The following ZMYM5 variants were observed in gnomAD, a reference collection of about 807,000 sequenced individuals.
ZMYM5 encodes zinc finger MYM-type containing 5.
ZMYM5 carries 41 observed loss-of-function variants against 61.8 expected under a neutral mutation model. The ratio of observed to expected loss-of-function variants is 0.66; its 90% confidence interval spans 0.52 to 0.86. ZMYM5 has a LOEUF of 0.86. ZMYM5 is among the 40% of genes least tolerant of loss of function. ZMYM5 has a pLI of 0.00. For synonymous variants in ZMYM5, 257 were observed against 276.4 expected, an observed-to-expected ratio of 0.93 and a Z score of 0.70; for missense variants, 706 against 786.7, an observed-to-expected ratio of 0.90 and a Z score of 1.23.
intron 7 of ZMYM5, among the ~76,000 whole-genome samples, chr13:19,825,818 A>C (rs538004501): frequency 6.6e-6 from 1 of 152,244 alleles, no homozygotes; most frequent in East Asian, 1.9e-4. Context: ...AGGCGGGTGG[A>C]TCAGTTGAGG....
chr13:19,838,730 G>A lies in ZMYM5; in HGVS notation c.842C>T (p.Thr281Ile), dbSNP rs563337101. The change falls in exon 5 of 8, where the codon ACT (threonine) becomes ATT (isoleucine). Residue 281 changes from threonine (T) to isoleucine (I), a missense_variant. This residue lies in a region of ZMYM5 where 480 missense variants were observed against 461.7 expected (regional missense o/e 1.04). Coordinates refer to ENST00000337963, the MANE Select transcript of ZMYM5 (RefSeq NM_001142684.2). ...TCLSSFSHKR[T>I]QNTRSIICKK... ...ACATATTATGCTTCGTGTGTTTTGA[G>A]TACGTTTATGAGAGAAGGAAGAAAG... The A allele has an allele frequency of 1.9e-6, 3 of 1,614,194 alleles. No individual in the cohort carries two copies. The South Asian group carries it at 3.3e-5, about 18-fold the overall frequency.
At chr13:19,842,395 C>A (rs1460981232) in intron 4 of ZMYM5, among the ~76,000 whole-genome samples, 4 of 152,138 alleles carry the variant, frequency 2.6e-5, no homozygotes, top group Admixed American at 6.5e-5. Flanking sequence ...AAATACACAG[C>A]AACTAAAGTA....
chr13:19,860,470 G>GTGTA (rs71070254), intron 2 of ZMYM5, among the ~76,000 whole-genome samples: 7,559 of 136,148 alleles, frequency 0.056, 291 homozygotes, highest in East Asian at 0.094. Context: ...GTGTGTGTGT[G>GTGTA]TATTTTTTTT....
chr13:19,851,407 A>G lies in ZMYM5; in HGVS notation c.534T>C (p.Asn178=), dbSNP rs1324233006. 2 of 1,614,166 alleles carry G rather than the reference A, an allele frequency of 1.2e-6. No individual in the cohort carries two copies. The highest frequency in any genetic ancestry group is 4.5e-5 in the East Asian group (2 of 44,878). ...GVRPFNPGRM[N]VAGDLFQNGE... ...CATTCTGAAATAAGTCTCCTGCCAC[A>G]TTCATTCTACCAGGGTTAAAAGGTC... is the stretch of plus-strand genomic sequence containing the variant. The change falls in exon 4 of 8, where the codon AAT becomes AAC. Residue 178 remains asparagine, a synonymous_variant. Coordinates refer to ENST00000337963, the MANE Select transcript of ZMYM5 (RefSeq NM_001142684.2).
intron 4 of ZMYM5, among the ~76,000 whole-genome samples, chr13:19,845,313 C>T (rs1029179616): frequency 5.3e-5 from 8 of 152,108 alleles, no homozygotes; most frequent in Non-Finnish European, 1.2e-4. Flanking sequence ...CATAGTAATA[C>T]CAAGATTTAT....
rs1298780653 is a variant in ZMYM5 at position 19,823,561 on chromosome 13, A to G, written c.*916T>C. The stretch of plus-strand genomic sequence containing the variant: ...AGGTAAATATAGTTCACATACAATA[A>G]TAAATGCTAAAACATTTACAAATTA... On this transcript the variant is annotated 3_prime_UTR_variant, in exon 8 of 8. Transcript: ENST00000337963. 6.6e-6 allele frequency: 1 copy of G among 152,182 alleles called. No individual in the cohort carries two copies. The highest frequency in any genetic ancestry group is 1.5e-5 in the Non-Finnish European group (1 of 68,036). 9.4% of individuals were successfully genotyped at this position (152,182 alleles called of 1,614,324 possible). A position where few individuals can be genotyped will look rare whatever the true frequency, so the allele number is the denominator to read the frequency against.
intron 2 of ZMYM5, among the ~76,000 whole-genome samples, chr13:19,852,897 G>T (rs2138623882): frequency 6.6e-6 from 1 of 152,264 alleles, no homozygotes; most frequent in South Asian, 2.1e-4. Flanking sequence ...GTCCAGGCTG[G>T]AGTGCAGTTG....
At chr13:19,848,717 T>C (rs1953175600) in intron 4 of ZMYM5, among the ~76,000 whole-genome samples, 1 of 151,688 alleles carries the variant, frequency 6.6e-6, no homozygotes, top group Non-Finnish European at 1.5e-5. Context: ...ATTTTTTTAG[T>C]AGAGATGGGG....
rs760194986 is a variant in ZMYM5 at position 19,838,839 on chromosome 13, C to T, written c.733G>A (p.Ala245Thr). Residue 245 changes from alanine to threonine, a missense_variant, in exon 5 of 8, where the codon GCA becomes ACA. Ala to Thr is a moderately conservative substitution (Grantham distance 58). Transcript: ENST00000337963. The part of the protein sequence containing the change: ...QLTKPAKITC[A>T]NCKKPLQKGQ... ...TTCTGTAAAGGCTTTTTGCAATTTGCACAAGTGATTTTAGCTGGTTTAGTA... is the reference window on the plus strand; with the variant it reads ...TTCTGTAAAGGCTTTTTGCAATTTGTACAAGTGATTTTAGCTGGTTTAGTA... 5.0e-6 allele frequency: 8 copies of T among 1,613,968 alleles called. No homozygotes were observed. In the Admixed American group the frequency reaches 8.3e-5, roughly 17 times the overall value.
chr13:19,831,255 C>T (rs1891201321), intron 7 of ZMYM5, among the ~76,000 whole-genome samples: 1 of 151,310 alleles, frequency 6.6e-6, no homozygotes, highest in South Asian at 2.1e-4. Flanking sequence ...GGCTCCCAAA[C>T]AGCTGGGACT....
At chr13:19,840,389 G>A (rs763080235) in intron 4 of ZMYM5, among the ~76,000 whole-genome samples, 1 of 152,164 alleles carries the variant, frequency 6.6e-6, no homozygotes, top group African/African-American at 2.4e-5. Flanking sequence ...GCGCTCGCTT[G>A]CAGTCCCAGC....
Position 19,835,633 on chromosome 13 carries a change from G to T in ZMYM5, c.1095C>A (p.Cys365Ter). The change falls in exon 7 of 8, where the codon TGC becomes TGA. Residue 365 changes from cysteine to a stop codon, truncating the protein, a stop_gained. Transcript: ENST00000337963. LOFTEE classifies it high-confidence loss of function. ...NVTHKLCSNHCFNKYRLANGL... is the reference protein window; with the variant it reads ...NVTHKLCSNH ...CATTGGCCAATCTGTACTTATTAAA[G>T]CAATGGTTACTGCACAGTTTATGTG... 7.3e-7 allele frequency: 1 copy of T among 1,367,638 alleles called. No individual in the cohort carries two copies. Among genetic ancestry groups the T allele is most frequent in the Non-Finnish European group, 9.8e-7 (1 of 1,021,844 alleles). 84.7% of individuals were successfully genotyped at this position (1,367,638 alleles called of 1,614,324 possible).
rs1249978007 is a variant in ZMYM5, at chr13:19,825,035, C to T, written c.1452G>A (p.Glu484=). The change falls in exon 8 of 8, where the codon GAG becomes GAA. Residue 484 remains glutamate (E), a synonymous_variant. Transcript: ENST00000337963. Reference sequence around the variant, plus strand: ...TGGAAGAAGGAGGTAAATTCACATTCTCTTGGATCAGTAATGTATCCGTGC... The same window carrying T: ...TGGAAGAAGGAGGTAAATTCACATTTTCTTGGATCAGTAATGTATCCGTGC... ...ECGTDTLLIQ[E]NVNLPPSSTS... 1.5e-5 allele frequency: 21 copies of T among 1,367,530 alleles called. No individual in the cohort carries two copies. Among genetic ancestry groups the T allele is most frequent in the Admixed American group, 7.6e-5 (4 of 52,544 alleles). The allele number at this position is 1,367,530 out of a possible 1,614,324, so 84.7% of individuals were successfully genotyped here. A position where few individuals can be genotyped will look rare whatever the true frequency, so the allele number is the denominator to read the frequency against.
At chr13:19,838,197 T>G (rs534131278) in intron 5 of ZMYM5, among the ~76,000 whole-genome samples, 1 of 152,116 alleles carries the variant, frequency 6.6e-6, no homozygotes, top group Non-Finnish European at 1.5e-5. Flanking sequence ...GCCAAAATGA[T>G]GAAACCCTGT....
At chr13:19,851,134 G>A (rs1400880997) in intron 4 of ZMYM5, among the ~76,000 whole-genome samples, 1 of 152,096 alleles carries the variant, frequency 6.6e-6, no homozygotes, top group Non-Finnish European at 1.5e-5. Flanking sequence ...AAAATCGCTT[G>A]AACCTGGGAG....
chr13:19,833,043 T>C (rs1192757324), intron 7 of ZMYM5, among the ~76,000 whole-genome samples: 1 of 152,142 alleles, frequency 6.6e-6, no homozygotes, highest in African/African-American at 2.4e-5. Flanking sequence ...CCTTTCTATT[T>C]GTTAATGTTC....
At chr13:19,852,919 C>T (rs1953367821) in intron 2 of ZMYM5, among the ~76,000 whole-genome samples, 1 of 152,184 alleles carries the variant, frequency 6.6e-6, no homozygotes, top group Non-Finnish European at 1.5e-5. Flanking sequence ...GCCATCCTGG[C>T]TCACTGCAGC....
chr13:19,856,772 T>C (rs1280615513), intron 2 of ZMYM5, among the ~76,000 whole-genome samples: 1 of 152,050 alleles, frequency 6.6e-6, no homozygotes, highest in Non-Finnish European at 1.5e-5. Flanking sequence ...ACCATGCCAC[T>C]GCACTCCAAC....
At chr13:19,840,620 T>A (rs1299925509) in intron 4 of ZMYM5, among the ~76,000 whole-genome samples, 2 of 151,954 alleles carry the variant, frequency 1.3e-5, no homozygotes, top group Non-Finnish European at 2.9e-5. Flanking sequence ...GCGATCTTCC[T>A]GCCTCGCTCT....
Sources: gnomAD v4.1 joint callset for allele counts (sites outside exome capture counted in the v4.1 genomes callset) on GRCh38, gnomAD v4.1.1 for gene constraint, gnomAD v4.1.1 regional missense constraint, MANE v1.5 for transcripts, NCBI Gene and HGNC (gene_info 2026-07-23, HGNC 2026-07-21) for gene names.